DMXL1: variants seen among roughly 807,000 people sequenced by gnomAD.
DMXL1 encodes Dmx like 1, also known as dmX-like protein 1.
A neutral mutation model predicts 319.2 loss-of-function variants in DMXL1; 99 were observed. That is an observed-to-expected ratio of 0.31 (90% CI 0.26 to 0.37). The LOEUF is 0.37. DMXL1 is among the 10% of genes least tolerant of loss of function. The probability of loss-of-function intolerance (pLI) is 1.00; values close to 1 mark genes in which losing one functional copy is unlikely to be tolerated. For synonymous variants in DMXL1, 1,385 were observed against 1,235.2 expected (o/e 1.12, Z -2.54); for missense variants, 3,745 against 3,595.6 (o/e 1.04, Z -1.06).
At chr5:119,122,865 G>A (rs926647193) in intron 9 of DMXL1, among the ~76,000 whole-genome samples, 5 of 151,752 alleles carry the variant, frequency 3.3e-5, no homozygotes, top group Admixed American at 2.0e-4. Context: ...GACGATGGGC[G>A]GCCAGGCAGA....
At position 119,175,182 on chromosome 5, in the gene DMXL1, G is replaced by A. The variant is rs1775561137; in HGVS notation, c.6682-79G>A. 6.0e-6 allele frequency: 6 copies of A among 996,762 alleles called. No homozygotes were observed. In the South Asian group the frequency reaches 6.4e-5, roughly 11 times the overall value. 61.7% of individuals were successfully genotyped at this position (996,762 alleles called of 1,614,324 possible). The stretch of plus-strand genomic sequence containing the variant: ...AAAATTTTTTCATTCTTTTAAAAAT[G>A]CTGATTATATTAGGTCTTGAAAAAA... On this transcript the variant is annotated intron_variant, in intron 25 of 43. Coordinates refer to ENST00000539542, the MANE Select transcript of DMXL1 (RefSeq NM_001290321.3).
intron 34 of DMXL1, among the ~76,000 whole-genome samples, chr5:119,215,371 G>A (rs538794951): frequency 4.0e-5 from 6 of 151,888 alleles, no homozygotes; most frequent in Admixed American, 1.3e-4. Flanking sequence ...ACAATGGCTC[G>A]ATCTTGGCTT....
chr5:119,189,147 T>G (rs1778270834), intron 28 of DMXL1, among the ~76,000 whole-genome samples: 1 of 152,212 alleles, frequency 6.6e-6, no homozygotes, highest in Non-Finnish European at 1.5e-5. Context: ...AACAACAAAA[T>G]TGCATTATTT....
intron 25 of DMXL1, among the ~76,000 whole-genome samples, chr5:119,173,728 A>G (rs1211510284): frequency 2.8e-5 from 3 of 106,616 alleles, no homozygotes; most frequent in Admixed American, 1.1e-4. Flanking sequence ...GTATATATAT[A>G]TATGTGTGTA....
chr5:119,245,275 A>C (rs1421493266), intron 43 of DMXL1, among the ~76,000 whole-genome samples: 1 of 152,168 alleles, frequency 6.6e-6, no homozygotes, highest in African/African-American at 2.4e-5. Flanking sequence ...AATGGTCAGC[A>C]ACCCTAGACT....
Position 119,140,119 on chromosome 5 carries a change from G to A in DMXL1, c.2377-3722G>A, listed in dbSNP as rs1025848017. On this transcript the variant is annotated intron_variant, in intron 13 of 43. Transcript: ENST00000539542. ...CCAGAATCTCTGGGACACAACTAAG[G>A]CAGTGTTAAGATGGAAATTTATAGT... 2.0e-5 allele frequency among the ~76,000 whole-genome samples: 3 copies of A among 152,226 alleles called. No homozygotes were observed. The South Asian group carries it at 6.2e-4, about 32-fold the overall frequency.
chr5:119,129,737 C>T (rs1293959460), intron 10 of DMXL1, among the ~76,000 whole-genome samples: 1 of 152,158 alleles, frequency 6.6e-6, no homozygotes, highest in East Asian at 1.9e-4. Context: ...GTCTCAAGGT[C>T]CACACAGACC....
intron 13 of DMXL1, among the ~76,000 whole-genome samples, chr5:119,141,771 G>C (rs1767405923): frequency 6.6e-6 from 1 of 151,996 alleles, no homozygotes; most frequent in Admixed American, 6.6e-5. Flanking sequence ...TATTTTAAAA[G>C]TCATATGGAA....
At chr5:119,153,769 A>G (rs1246502381) in intron 19 of DMXL1, among the ~76,000 whole-genome samples, 1 of 152,104 alleles carries the variant, frequency 6.6e-6, no homozygotes, top group Non-Finnish European at 1.5e-5. Context: ...GCTGACTGGT[A>G]CTCCAGTGTA....
In DMXL1 at chr5:119,116,295, A is replaced by G. The variant is rs772206643; in HGVS notation, c.702A>G (p.Val234=). Residue 234 remains valine (V), a synonymous_variant, in exon 7 of 44, where the codon GTA becomes GTG. Coordinates refer to ENST00000539542, the MANE Select transcript of DMXL1 (RefSeq NM_001290321.3). Reference sequence around the variant, plus strand: ...TGTATCTGGCCCATCCTCGAGCAGTAAATGGATTTTCCTGGCGTAAAACAA... The same window carrying G: ...TGTATCTGGCCCATCCTCGAGCAGTGAATGGATTTTCCTGGCGTAAAACAA... ...SFVYLAHPRA[V]NGFSWRKTSK... 5.0e-6 allele frequency: 8 copies of G among 1,614,158 alleles called. No individual in the cohort carries two copies. The South Asian group carries it at 8.8e-5, about 18-fold the overall frequency.
At chr5:119,243,380 G>A (rs1789173514) in intron 42 of DMXL1, among the ~76,000 whole-genome samples, 1 of 152,112 alleles carries the variant, frequency 6.6e-6, no homozygotes. Context: ...CTGAGACTTA[G>A]GTAAGTAATT....
At position 119,118,929 on chromosome 5, in the gene DMXL1, G is replaced by C; in HGVS notation, c.858G>C (p.Trp286Cys). 1 of 1,613,726 alleles carries C rather than the reference G, an allele frequency of 6.2e-7. No homozygotes were observed. The highest frequency in any genetic ancestry group is 1.3e-5 in the African/African-American group (1 of 75,036). ...CLLYGGDCSH[W>C]TESINLTNNF... ...TATACGGAGGTGACTGCAGCCATTG[G>C]ACTGAATCAATTAATTTAACAAATA... The change falls in exon 8 of 44, where the codon TGG (tryptophan) becomes TGC (cysteine). Residue 286 changes from tryptophan to cysteine, a missense_variant. This residue lies in a region of DMXL1 where 2,096 missense variants were observed against 1,985.4 expected (regional missense o/e 1.06). Coordinates refer to ENST00000539542, the MANE Select transcript of DMXL1 (RefSeq NM_001290321.3).
At chr5:119,121,983 C>G (rs1345129139) in intron 9 of DMXL1, among the ~76,000 whole-genome samples, 2 of 131,434 alleles carry the variant, frequency 1.5e-5, no homozygotes, top group Non-Finnish European at 3.3e-5. Context: ...CCAGTAGGGG[C>G]GGCCGGGCAG....
chr5:119,139,825 C>T (rs189316206), intron 13 of DMXL1, among the ~76,000 whole-genome samples: 1 of 152,128 alleles, frequency 6.6e-6, no homozygotes, highest in Non-Finnish European at 1.5e-5. Flanking sequence ...AATATATATT[C>T]CTCTCATTGC....
At chr5:119,096,466 A>G (rs1325211799) in intron 1 of DMXL1, among the ~76,000 whole-genome samples, 4 of 152,154 alleles carry the variant, frequency 2.6e-5, no homozygotes, top group African/African-American at 9.7e-5. Context: ...ATGAGCCACC[A>G]TGCCCAGCCT....
At chr5:119,228,070 G>A (rs1266495773) in intron 38 of DMXL1, among the ~76,000 whole-genome samples, 1 of 152,166 alleles carries the variant, frequency 6.6e-6, no homozygotes, top group Non-Finnish European at 1.5e-5. Context: ...AAAAACCATA[G>A]ATTTTCTTCA....
chr5:119,102,685 C>T (rs913976044), intron 3 of DMXL1, among the ~76,000 whole-genome samples: 1 of 152,114 alleles, frequency 6.6e-6, no homozygotes, highest in African/African-American at 2.4e-5. Context: ...GTCTCACCTG[C>T]TCAGGAGGCT....
chr5:119,145,733 C>T (rs1339519910), intron 15 of DMXL1, among the ~76,000 whole-genome samples: 2 of 151,578 alleles, frequency 1.3e-5, no homozygotes, highest in East Asian at 3.9e-4. Flanking sequence ...CTCTTTAAGG[C>T]TAAGATTTTT....
At position 119,144,562 on chromosome 5, in the gene DMXL1, T is replaced by A. The variant is rs1768112594; in HGVS notation, c.2493T>A (p.His831Gln). 1.2e-6 allele frequency: 2 copies of A among 1,602,942 alleles called. No homozygotes were observed. The highest frequency in any genetic ancestry group is 2.7e-5 in the African/African-American group (2 of 74,242). ...KLHGRKTQLLHVFEEDFILNN... is the reference protein window; with the variant it reads ...KLHGRKTQLLQVFEEDFILNN... ...ATGGCAGAAAAACCCAACTGCTTCA[T>A]GTTTTTGAAGAAGACTTCATTTTGA... The change falls in exon 15 of 44, where the codon CAT becomes CAA. Residue 831 changes from histidine (H) to glutamine (Q), a missense_variant. Transcript: ENST00000539542.
Sources: allele counts gnomAD v4.1 joint callset (sites outside exome capture counted in the v4.1 genomes callset), GRCh38; gene constraint gnomAD v4.1.1; regional missense constraint gnomAD v4.1.1; transcripts MANE v1.5; gene names NCBI Gene and HGNC (gene_info 2026-07-23, HGNC 2026-07-21).